The following NRG3 variants were observed in gnomAD, a reference collection of about 807,000 sequenced individuals.
NRG3 encodes the protein neuregulin 3, also known as pro-neuregulin-3, membrane-bound isoform.
A neutral mutation model predicts 66.9 loss-of-function variants in NRG3; 31 were observed. That is an observed-to-expected ratio of 0.46 (90% CI 0.35 to 0.63). The LOEUF is 0.63. Among genes scored for constraint, NRG3 ranks in the 20% least tolerant of loss-of-function variants. NRG3 has a pLI of 0.00. For missense variants in NRG3, 910 were observed against 878.9 expected, an observed-to-expected ratio of 1.04 and a Z score of -0.45; for synonymous variants, 393 against 359.4, an observed-to-expected ratio of 1.09 and a Z score of -1.06.
At chr10:82,135,145 A>G (rs2069236999) in intron 1 of NRG3, among the ~76,000 whole-genome samples, 1 of 151,500 alleles carries the variant, frequency 6.6e-6, no homozygotes, top group African/African-American at 2.4e-5. Flanking sequence ...AAAATTCCAT[A>G]TGAAATTAAA....
chr10:82,382,972 G>A lies in NRG3; in HGVS notation c.953+24104G>A, dbSNP rs533514636. On this transcript the variant is annotated intron_variant, in intron 2 of 8. Transcript: ENST00000372141. ...TAAGACTTTAATTTAATATTCATTA[G>A]TGAGATTGGCCTGGCCTAATTCTTA... 2.0e-5 allele frequency among the ~76,000 whole-genome samples: 3 copies of A among 151,942 alleles called. No individual in the cohort carries two copies. The South Asian group carries it at 6.2e-4, about 32-fold the overall frequency.
At chr10:82,130,680 T>C (rs2068760877) in intron 1 of NRG3, among the ~76,000 whole-genome samples, 1 of 152,182 alleles carries the variant, frequency 6.6e-6, no homozygotes, top group Admixed American at 6.5e-5. Flanking sequence ...GGTTCCCTTT[T>C]CTCCACATTC....
intron 2 of NRG3, among the ~76,000 whole-genome samples, chr10:82,558,852 C>T (rs1020983817): frequency 9.9e-5 from 15 of 152,084 alleles, no homozygotes; most frequent in Admixed American, 5.9e-4. Context: ...CTCTCCCTAT[C>T]GGATATATAG....
Position 82,584,296 on chromosome 10 carries a change from T to G in NRG3, c.954-154281T>G, listed in dbSNP as rs2199949. ...AGACAGGGTTTCATCTTGTTGGCCA[T>G]GCTGGTCTTGAATTTGTGACCTCAG... On this transcript the variant is annotated intron_variant, in intron 2 of 8. Transcript: ENST00000372141. Among the ~76,000 whole-genome samples, 3 of 151,954 alleles carry G rather than the reference T, an allele frequency of 2.0e-5. 1 individual carries two copies. In the South Asian group the frequency reaches 6.2e-4, roughly 31 times the overall value.
At chr10:82,372,124 G>A (rs1299357235) in intron 2 of NRG3, among the ~76,000 whole-genome samples, 1 of 152,216 alleles carries the variant, frequency 6.6e-6, no homozygotes. Context: ...CATTTGGAAA[G>A]ATAAGAGCCT....
At position 82,161,259 on chromosome 10, in the gene NRG3, T is replaced by C. The variant is rs913251490; in HGVS notation, c.824-197480T>C. ...GAAAGTACATGAAGTTATGGGACTT[T>C]AGTTATCAATCACTAGTTTCATAAC... On this transcript the variant is annotated intron_variant, in intron 1 of 8. Coordinates refer to ENST00000372141, the MANE Select transcript of NRG3 (RefSeq NM_001010848.4). 2.4e-4 allele frequency among the ~76,000 whole-genome samples: 37 copies of C among 152,096 alleles called. 1 individual carries two copies. The highest frequency in any genetic ancestry group is 2.1e-4 in the South Asian group (1 of 4,830).
At position 82,348,641 on chromosome 10, in the gene NRG3, T is replaced by C. The variant is rs578178609; in HGVS notation, c.824-10098T>C. 7.4e-3 allele frequency among the ~76,000 whole-genome samples: 1,092 copies of C among 148,270 alleles called. 9 individuals are homozygous for C. The highest frequency in any genetic ancestry group is 0.025 in the African/African-American group (1,009 of 40,072). ...CCTTGCTAGATTGGGGAAGTTCTCC[T>C]GGATAATATCCTGCAGAGTGTTTTC... On this transcript the variant is annotated intron_variant, in intron 1 of 8. Coordinates refer to ENST00000372141, the MANE Select transcript of NRG3 (RefSeq NM_001010848.4).
intron 1 of NRG3, among the ~76,000 whole-genome samples, chr10:82,116,450 A>G (rs2067724482): frequency 1.3e-5 from 2 of 152,124 alleles, no homozygotes; most frequent in South Asian, 2.1e-4. Flanking sequence ...TTTAGAAACT[A>G]TGAATGCTTT....
intron 1 of NRG3, among the ~76,000 whole-genome samples, chr10:82,214,083 GT>G (rs34079501): frequency 2.6e-5 from 4 of 152,112 alleles, no homozygotes; most frequent in Non-Finnish European, 4.4e-5. Flanking sequence ...CTGACAAAGT[GT>G]TTTTTTAAAA....
intron 1 of NRG3, among the ~76,000 whole-genome samples, chr10:82,252,986 C>T (rs1211508021): frequency 6.6e-6 from 1 of 152,142 alleles, no homozygotes; most frequent in Non-Finnish European, 1.5e-5. Context: ...CAGACCTCAG[C>T]ATCCACAGAA....
intron 1 of NRG3, among the ~76,000 whole-genome samples, chr10:81,982,904 A>T (rs2060385953): frequency 6.6e-6 from 1 of 152,214 alleles, no homozygotes; most frequent in Admixed American, 6.5e-5. Flanking sequence ...TGAGCTTAAC[A>T]TAATGATGAA....
At chr10:82,583,826 T>C (rs2046508086) in intron 2 of NRG3, among the ~76,000 whole-genome samples, 1 of 152,166 alleles carries the variant, frequency 6.6e-6, no homozygotes, top group African/African-American at 2.4e-5. Context: ...ATCACATAGC[T>C]GGTCTGGTAT....
intron 3 of NRG3, among the ~76,000 whole-genome samples, chr10:82,753,107 T>G (rs2058940378): frequency 6.6e-6 from 1 of 152,186 alleles, no homozygotes; most frequent in South Asian, 2.1e-4. Context: ...TGGTACCAAT[T>G]TAAAATCTTA....
At position 82,932,400 on chromosome 10, in the gene NRG3, C is replaced by T. The variant is rs150487864; in HGVS notation, c.1055-19069C>T. On this transcript the variant is annotated intron_variant, in intron 4 of 8. Coordinates refer to ENST00000372141, the MANE Select transcript of NRG3 (RefSeq NM_001010848.4). ...CAAGCAAGATATGTTAACAATTGTT[C>T]GGATGTCATAATGTTATGCTAGAAG... Among the ~76,000 whole-genome samples the T allele has an allele frequency of 5.8e-4, 88 of 152,246 alleles. No homozygotes were observed. In the East Asian group the frequency reaches 0.013, roughly 22 times the overall value.
intron 1 of NRG3, among the ~76,000 whole-genome samples, chr10:82,057,811 A>G (rs1589947228): frequency 6.6e-6 from 1 of 152,098 alleles, no homozygotes; most frequent in East Asian, 1.9e-4. Context: ...GGGATTCAAG[A>G]TACTCACAGG....
chr10:82,312,621 G>A (rs1324753514), intron 1 of NRG3, among the ~76,000 whole-genome samples: 1 of 152,180 alleles, frequency 6.6e-6, no homozygotes, highest in Non-Finnish European at 1.5e-5. Context: ...TTTTGATTTT[G>A]TACTTGGATT....
chr10:82,459,312 C>T (rs2091410750), intron 2 of NRG3, among the ~76,000 whole-genome samples: 1 of 152,182 alleles, frequency 6.6e-6, no homozygotes, highest in South Asian at 2.1e-4. Flanking sequence ...TACAGAGTTG[C>T]ACTGGTTTCT....
chr10:82,850,399 G>A (rs921843714), intron 3 of NRG3, among the ~76,000 whole-genome samples: 3 of 152,082 alleles, frequency 2.0e-5, no homozygotes, highest in East Asian at 1.9e-4. Flanking sequence ...AATGAATTTC[G>A]TTTCCTCTAG....
At chr10:82,044,672 C>T (rs1482042117) in intron 1 of NRG3, among the ~76,000 whole-genome samples, 2 of 151,780 alleles carry the variant, frequency 1.3e-5, no homozygotes, top group Non-Finnish European at 2.9e-5. Context: ...GTGTGCTGCA[C>T]CTATTAACTC....
Sources: gnomAD v4.1 joint callset for allele counts (sites outside exome capture counted in the v4.1 genomes callset) on GRCh38, gnomAD v4.1.1 for gene constraint, MANE v1.5 for transcripts, NCBI Gene and HGNC (gene_info 2026-07-23, HGNC 2026-07-21) for gene names.